The following EOMES variants were observed in gnomAD, a reference collection of about 807,000 sequenced individuals.
The protein encoded by EOMES is eomesodermin homolog.
EOMES carries 18 observed loss-of-function variants against 61.0 expected under a neutral mutation model. That is an observed-to-expected ratio of 0.30 (90% CI 0.20 to 0.44). The LOEUF (loss-of-function observed/expected upper bound fraction) is 0.44, where lower values mean the gene tolerates loss of function less well. Among genes scored for constraint, EOMES ranks in the 20% least tolerant of loss-of-function variants. The pLI is 1.00. For synonymous variants in EOMES, 430 were observed against 394.0 expected (o/e 1.09, Z -1.08); for missense variants, 885 against 939.2 (o/e 0.94, Z 0.75).
chr3:27,717,841 A>G lies in EOMES; in HGVS notation c.1380-33T>C, dbSNP rs1559926283. Reference sequence around the variant, plus strand: ...ATAAAGAGAAACACTTAAAAAAAAAAAAAAACCCTAATGTTGTCCCCAAAC... The same window carrying G: ...ATAAAGAGAAACACTTAAAAAAAAAGAAAAACCCTAATGTTGTCCCCAAAC... On this transcript the variant is annotated intron_variant, in intron 5 of 5. Coordinates refer to ENST00000449599, the MANE Select transcript of EOMES (RefSeq NM_001278182.2). This position sits in a 1 kb window ranked among gnomAD's most constrained non-coding sequence, Gnocchi z 4.5. 1 of 1,451,724 alleles carries G rather than the reference A, an allele frequency of 6.9e-7. No individual in the cohort carries two copies. The highest frequency in any genetic ancestry group is 1.4e-5 in the African/African-American group (1 of 69,192). The allele number at this position is 1,451,724 out of a possible 1,614,324, so 89.9% of individuals were successfully genotyped here. A position where few individuals can be genotyped will look rare whatever the true frequency, so the allele number is the denominator to read the frequency against.
rs767673426 is a variant in EOMES, at chr3:27,720,336, G to A, written c.882-11C>T. ...AAAGGAAACATGCGCCTGTGCAAGGGAATAGAATCAGAAAAATCGATTTTA... is the reference window on the plus strand; with the variant it reads ...AAAGGAAACATGCGCCTGTGCAAGGAAATAGAATCAGAAAAATCGATTTTA... On this transcript the variant is annotated splice_polypyrimidine_tract_variant and intron_variant, in intron 1 of 5. Coordinates refer to ENST00000449599, the MANE Select transcript of EOMES (RefSeq NM_001278182.2). The A allele has an allele frequency of 6.2e-7, 1 of 1,613,288 alleles. No homozygotes were observed. The highest frequency in any genetic ancestry group is 8.5e-7 in the Non-Finnish European group (1 of 1,179,354).
chr3:27,722,090 C>A lies in EOMES; in HGVS notation c.205G>T (p.Ala69Ser). 2 of 1,548,088 alleles carry A rather than the reference C, an allele frequency of 1.3e-6. No homozygotes were observed. The highest frequency in any genetic ancestry group is 2.0e-5 in the Admixed American group (1 of 50,852). ...LSCEAVSGEP[A>S]AASAGAPAAM... is the part of the protein sequence containing the mutation. ...GCGGGGGCCCCTGCGCTGGCGGCTG[C>A]GGGCTCCCCGCTCACCGCCTCGCAG... Residue 69 changes from alanine to serine, a missense_variant, in exon 1 of 6, where the codon GCA (alanine) becomes TCA (serine). By Grantham distance (99) the Ala-to-Ser change is moderately conservative. Coordinates refer to ENST00000449599, the MANE Select transcript of EOMES (RefSeq NM_001278182.2).
chr3:27,721,962 C>T lies in EOMES; in HGVS notation c.333G>A (p.Glu111=). 1 of 1,425,822 alleles carries T rather than the reference C, an allele frequency of 7.0e-7. No individual in the cohort carries two copies. Among genetic ancestry groups the T allele is most frequent in the Non-Finnish European group, 9.1e-7 (1 of 1,100,378 alleles). 88.3% of individuals were successfully genotyped at this position (1,425,822 alleles called of 1,614,324 possible). A position where few individuals can be genotyped will look rare whatever the true frequency, so the allele number is the denominator to read the frequency against. The change falls in exon 1 of 6, where the codon GAG becomes GAA. Residue 111 remains glutamate, a synonymous_variant. Transcript: ENST00000449599. The surrounding 1 kb of genome is among the most constrained non-coding windows in gnomAD (Gnocchi z 7.4). The part of the protein sequence containing the change: ...PDGRKGSPCG[E]EELPSAAAAA... ...CTGCAGCGGCGGAGGGCAGCTCCTC[C>T]TCCCCGCAGGGGGAGCCCTTGCGGC...
upstream of EOMES, chr3:27,722,480 C>T (rs2060624813): frequency 7.4e-7 from 1 of 1,349,944 alleles, no homozygotes; most frequent in Non-Finnish European, 9.4e-7. Flanking sequence ...CTGAATCCAG[C>T]GTCCTTTCCG....
At position 27,716,717 on chromosome 3, in the gene EOMES, A is replaced by T. The variant is rs2060571459; in HGVS notation, c.*353T>A. 5.1e-6 allele frequency: 1 copy of T among 194,702 alleles called. No individual in the cohort carries two copies. The highest frequency in any genetic ancestry group is 5.4e-5 in the Admixed American group (1 of 18,646). 12.1% of individuals were successfully genotyped at this position (194,702 alleles called of 1,614,324 possible). A position where few individuals can be genotyped will look rare whatever the true frequency, so the allele number is the denominator to read the frequency against. On this transcript the variant is annotated 3_prime_UTR_variant, in exon 6 of 6. Coordinates refer to ENST00000449599, the MANE Select transcript of EOMES (RefSeq NM_001278182.2). The stretch of plus-strand genomic sequence containing the variant: ...GCTTAAGAATTTACAAATAGAAATG[A>T]GAATCAAAGGTTTTAACTCATCTGA...
chr3:27,717,175 A>G lies in EOMES; in HGVS notation c.2013T>C (p.Asn671=). Residue 671 remains asparagine (N), a synonymous_variant, in exon 6 of 6, where the codon AAT becomes AAC. Coordinates refer to ENST00000449599, the MANE Select transcript of EOMES (RefSeq NM_001278182.2). This position sits in a 1 kb window ranked among gnomAD's most constrained non-coding sequence, Gnocchi z 4.5. ...RRRLSPSNSS[N]ENSPSIKCED... is the part of the protein sequence containing the mutation. The stretch of plus-strand genomic sequence containing the variant: ...CACACTTTATGGAGGGTGAATTTTC[A>G]TTACTGGAGTTGCTAGGAGACAGCC... 2 of 1,613,894 alleles carry G rather than the reference A, an allele frequency of 1.2e-6. No individual in the cohort carries two copies. The highest frequency in any genetic ancestry group is 1.7e-6 in the Non-Finnish European group (2 of 1,179,764).
upstream of EOMES, chr3:27,722,523 G>A (rs148840573): frequency 3.7e-6 from 5 of 1,345,178 alleles, no homozygotes; most frequent in East Asian, 1.6e-4. Context: ...AAAGCAGGAG[G>A]TGGAAACTAA....
chr3:27,721,044 C>T lies in EOMES; in HGVS notation c.881+370G>A, dbSNP rs73824247. On this transcript the variant is annotated intron_variant, in intron 1 of 5. Transcript: ENST00000449599. The surrounding 1 kb of genome is among the most constrained non-coding windows in gnomAD (Gnocchi z 7.4). The stretch of plus-strand genomic sequence containing the variant: ...CAGGTGGCCAGCTCTTGAGCCTTCC[C>T]TATCCGTGGCTCCTTGCCGGCATGC... 2.1e-3 allele frequency among the ~76,000 whole-genome samples: 319 copies of T among 152,334 alleles called. 3 individuals carry two copies. Among genetic ancestry groups the T allele is most frequent in the African/African-American group, 7.4e-3 (306 of 41,588 alleles).
chr3:27,719,834 C>G (rs1386386843), intron 2 of EOMES, among the ~76,000 whole-genome samples: 2 of 152,000 alleles, frequency 1.3e-5, no homozygotes, highest in African/African-American at 4.8e-5. Flanking sequence ...GTGAACTAAA[C>G]TTTGGCTGGG....
chr3:27,717,398 C>T lies in EOMES; in HGVS notation c.1790G>A (p.Arg597Gln), dbSNP rs141551851. The T allele has an allele frequency of 2.9e-5, 47 of 1,614,174 alleles. No individual in the cohort carries two copies. The African/African-American group carries it at 3.2e-4, about 11-fold the overall frequency. Residue 597 changes from arginine (R) to glutamine (Q), a missense_variant, in exon 6 of 6, where the codon CGA becomes CAA. Arg to Gln is a conservative substitution (Grantham distance 43). Transcript: ENST00000449599. The surrounding 1 kb of genome is among the most constrained non-coding windows in gnomAD (Gnocchi z 4.5). ...TFPAMAGWGGRGSYQRKMAAG... is the reference protein window; with the variant it reads ...TFPAMAGWGGQGSYQRKMAAG... ...TGCCATCTTCCTCTGGTAAGAACCTCGACCTCCCCACCCTGCCATTGCAGG... is the reference window on the plus strand; with the variant it reads ...TGCCATCTTCCTCTGGTAAGAACCTTGACCTCCCCACCCTGCCATTGCAGG...
chr3:27,717,532 G>C lies in EOMES; in HGVS notation c.1656C>G (p.Ile552Met). 6.2e-7 allele frequency: 1 copy of C among 1,614,190 alleles called. No homozygotes were observed. The highest frequency in any genetic ancestry group is 8.5e-7 in the Non-Finnish European group (1 of 1,180,014). ...VQQPGTNKLD[I>M]SSYESEYTSS... Reference sequence around the variant, plus strand: ...AAGTATATTCAGATTCATAGGAACTGATGTCTAGTTTGTTGGTCCCAGGTT... The same window carrying C: ...AAGTATATTCAGATTCATAGGAACTCATGTCTAGTTTGTTGGTCCCAGGTT... The change falls in exon 6 of 6, where the codon ATC becomes ATG. Residue 552 changes from isoleucine (I) to methionine (M), a missense_variant. Around this residue, in one of 3 missense-constraint regions of EOMES, gnomAD observed 259 missense variants for 282.3 expected, o/e 0.92. Coordinates refer to ENST00000449599, the MANE Select transcript of EOMES (RefSeq NM_001278182.2). This position sits in a 1 kb window ranked among gnomAD's most constrained non-coding sequence, Gnocchi z 4.5.
rs201137434 is a variant in EOMES, at chr3:27,717,296, T to C, written c.1892A>G (p.Glu631Gly). Residue 631 changes from glutamate (E) to glycine (G), a missense_variant, in exon 6 of 6, where the codon GAG (glutamate) becomes GGG (glycine). Glu to Gly is a moderately conservative substitution (Grantham distance 98). Transcript: ENST00000449599. The surrounding 1 kb of genome is among the most constrained non-coding windows in gnomAD (Gnocchi z 4.5). Reference sequence around the variant, plus strand: ...CTCTATCCAAGAAGAGCCAATTTCCTCTTTCACTTTCTCCTTGGAGAGCTG... The same window carrying C: ...CTCTATCCAAGAAGAGCCAATTTCCCCTTTCACTTTCTCCTTGGAGAGCTG... ...EDQLSKEKVK[E>G]EIGSSWIETP... is the part of the protein sequence containing the mutation. The C allele has an allele frequency of 6.2e-7, 1 of 1,614,194 alleles. No homozygotes were observed. Among genetic ancestry groups the C allele is most frequent in the Middle Eastern group, 1.6e-4 (1 of 6,062 alleles).
intron 5 of EOMES, among the ~76,000 whole-genome samples, chr3:27,718,279 G>T (rs1017121386): frequency 2.0e-5 from 3 of 151,626 alleles, no homozygotes; most frequent in African/African-American, 7.3e-5. Context: ...CTCTTGGGAG[G>T]ATAAAAAAAT....
Position 27,717,846 on chromosome 3 carries a change from A to T in EOMES, c.1380-38T>A, listed in dbSNP as rs545670833. On this transcript the variant is annotated intron_variant, in intron 5 of 5. Transcript: ENST00000449599. This position sits in a 1 kb window ranked among gnomAD's most constrained non-coding sequence, Gnocchi z 4.5. ...GAGAAACACTTAAAAAAAAAAAAAAACCCTAATGTTGTCCCCAAACAAACC... is the reference window on the plus strand; with the variant it reads ...GAGAAACACTTAAAAAAAAAAAAAATCCCTAATGTTGTCCCCAAACAAACC... 1 of 1,229,960 alleles carries T rather than the reference A, an allele frequency of 8.1e-7. No individual in the cohort carries two copies. The highest frequency in any genetic ancestry group is 1.8e-5 in the South Asian group (1 of 55,318). The allele number at this position is 1,229,960 out of a possible 1,614,324, so 76.2% of individuals were successfully genotyped here.
Position 27,717,691 on chromosome 3 carries a change from A to G in EOMES, c.1497T>C (p.Phe499=). 1 of 1,614,060 alleles carries G rather than the reference A, an allele frequency of 6.2e-7. No individual in the cohort carries two copies. Among genetic ancestry groups the G allele is most frequent in the South Asian group, 1.1e-5 (1 of 91,066 alleles). Reference sequence around the variant, plus strand: ...AGCGGGCTTGAGGTAAAGTGTTGACAAAGGGCTCCGGGAAGAAGGATTGAA... The same window carrying G: ...AGCGGGCTTGAGGTAAAGTGTTGACGAAGGGCTCCGGGAAGAAGGATTGAA... ...YGVQSFFPEP[F]VNTLPQARYY... is the part of the protein sequence containing the mutation. Residue 499 remains phenylalanine (F), a synonymous_variant, in exon 6 of 6, where the codon TTT becomes TTC. Transcript: ENST00000449599. This position sits in a 1 kb window ranked among gnomAD's most constrained non-coding sequence, Gnocchi z 4.5.
chr3:27,722,502 C>G (rs1161948173), upstream of EOMES: 2 of 1,350,998 alleles, frequency 1.5e-6, no homozygotes, highest in Non-Finnish European at 1.9e-6. Context: ...AAGGAAAGCG[C>G]CGTGAGTTGG....
chr3:27,716,884 G>A lies in EOMES; in HGVS notation c.*186C>T, dbSNP rs774409131. The A allele has an allele frequency of 8.7e-5, 49 of 562,268 alleles. No homozygotes were observed. Among genetic ancestry groups the A allele is most frequent in the Non-Finnish European group, 1.3e-4 (41 of 319,654 alleles). The allele number at this position is 562,268 out of a possible 1,614,324, so 34.8% of individuals were successfully genotyped here. ...TTAATCTTATTTTTTAAAAATGCTA[G>A]GTTTGTTTCAGTTACCTGCAGCAAT... On this transcript the variant is annotated 3_prime_UTR_variant, in exon 6 of 6. Coordinates refer to ENST00000449599, the MANE Select transcript of EOMES (RefSeq NM_001278182.2).
In EOMES at chr3:27,717,817, T is replaced by C. The variant is rs754753116; in HGVS notation, c.1380-9A>G. The C allele has an allele frequency of 6.8e-7, 1 of 1,474,610 alleles. No homozygotes were observed. Among genetic ancestry groups the C allele is most frequent in the Non-Finnish European group, 9.1e-7 (1 of 1,103,828 alleles). 91.3% of individuals were successfully genotyped at this position (1,474,610 alleles called of 1,614,324 possible). ...CTGAAGCGGTGTACATGCTACAATA[T>C]AAAGAGAAACACTTAAAAAAAAAAA... On this transcript the variant is annotated splice_polypyrimidine_tract_variant and intron_variant, in intron 5 of 5. Coordinates refer to ENST00000449599, the MANE Select transcript of EOMES (RefSeq NM_001278182.2). The surrounding 1 kb of genome is among the most constrained non-coding windows in gnomAD (Gnocchi z 4.5).
In EOMES at chr3:27,717,684, T is replaced by C. The variant is rs542975210; in HGVS notation, c.1504A>G (p.Thr502Ala). The part of the protein sequence containing the change: ...QSFFPEPFVN[T>A]LPQARYYNGE... ...TTATAATAGCGGGCTTGAGGTAAAG[T>C]GTTGACAAAGGGCTCCGGGAAGAAG... Residue 502 changes from threonine (T) to alanine (A), a missense_variant, in exon 6 of 6, where the codon ACT becomes GCT. By Grantham distance (58) the Thr-to-Ala change is moderately conservative. Transcript: ENST00000449599. This position sits in a 1 kb window ranked among gnomAD's most constrained non-coding sequence, Gnocchi z 4.5. The C allele has an allele frequency of 2.5e-6, 4 of 1,613,756 alleles. No individual in the cohort carries two copies. The highest frequency in any genetic ancestry group is 3.4e-6 in the Non-Finnish European group (4 of 1,179,976).
Sources: allele counts gnomAD v4.1 joint callset (sites outside exome capture counted in the v4.1 genomes callset), GRCh38; gene constraint gnomAD v4.1.1; regional missense constraint gnomAD v4.1.1; non-coding constraint Gnocchi (gnomAD v3.1); transcripts MANE v1.5; gene names NCBI Gene and HGNC (gene_info 2026-07-23, HGNC 2026-07-21).